PTPRS: variants seen among roughly 807,000 people sequenced by gnomAD.
PTPRS encodes the protein receptor-type tyrosine-protein phosphatase S.
PTPRS carries 63 observed loss-of-function variants against 215.3 expected under a neutral mutation model. That is an observed-to-expected ratio of 0.29 (90% confidence interval 0.24 to 0.36). The LOEUF is 0.36. Among genes scored for constraint, PTPRS ranks in the 10% least tolerant of loss-of-function variants. The pLI is 1.00. For synonymous variants in PTPRS, 1,404 were observed against 1,191.4 expected (o/e 1.18, Z -3.68); for missense variants, 2,258 against 2,825.8 (o/e 0.80, Z 4.56).
At chr19:5,340,153 G>T (rs905632192) in intron 1 of PTPRS, among the ~76,000 whole-genome samples, 9 of 151,396 alleles carry the variant, frequency 5.9e-5, no homozygotes, top group African/African-American at 2.2e-4. Context: ...CACCCGTCCC[G>T]GCTCCTCTCC....
chr19:5,211,626 G>C lies in PTPRS; in HGVS notation c.5198C>G (p.Ser1733Cys), dbSNP rs768527095. The C allele has an allele frequency of 1.2e-6, 2 of 1,613,564 alleles. No homozygotes were observed. Among genetic ancestry groups the C allele is most frequent in the South Asian group, 1.1e-5 (1 of 91,072 alleles). ...CLQPIRGVEG[S>C]DYINASFIDG... ...AATGAAGCTGGCGTTGATGTAGTCAGAGCCCTCCACACCCCGGATGGGTTG... is the reference window on the plus strand; with the variant it reads ...AATGAAGCTGGCGTTGATGTAGTCACAGCCCTCCACACCCCGGATGGGTTG... Residue 1733 changes from serine (S) to cysteine (C), a missense_variant, in exon 33 of 38, where the codon TCT (serine) becomes TGT (cysteine). Coordinates refer to ENST00000262963, the MANE Select transcript of PTPRS (RefSeq NM_002850.4).
intron 19 of PTPRS, among the ~76,000 whole-genome samples, chr19:5,221,517 C>T (rs2041976460): frequency 1.3e-5 from 2 of 152,002 alleles, no homozygotes; most frequent in Admixed American, 1.3e-4. Flanking sequence ...TTGACTGAGC[C>T]CTGATCCCAT....
intron 1 of PTPRS, among the ~76,000 whole-genome samples, chr19:5,315,543 T>G (rs1021338481): frequency 6.6e-6 from 1 of 151,544 alleles, no homozygotes; most frequent in Non-Finnish European, 1.5e-5. Flanking sequence ...TTTAAAATTT[T>G]TTTCAGAGAT....
intron 1 of PTPRS, among the ~76,000 whole-genome samples, chr19:5,333,959 A>C (rs2050409986): frequency 6.9e-6 from 1 of 144,512 alleles, no homozygotes; most frequent in Admixed American, 6.8e-5. Context: ...TAAACCCCCA[A>C]ATCCCCCCCA....
At chr19:5,324,226 CAAAAAA>C (rs55793961) in intron 1 of PTPRS, among the ~76,000 whole-genome samples, 10 of 73,866 alleles carry the variant, frequency 1.4e-4, no homozygotes, top group African/African-American at 3.6e-4. Flanking sequence ...AACCCTGCCT[CAAAAAA>C]AAAAAAAAAA....
At chr19:5,256,767 ACCT>A (rs1295302411) in intron 8 of PTPRS, among the ~76,000 whole-genome samples, 1 of 151,382 alleles carries the variant, frequency 6.6e-6, no homozygotes, top group East Asian at 1.9e-4. Context: ...CCTCCATGCG[ACCT>A]CCTCCTCAGA....
chr19:5,237,451 C>A lies in PTPRS; in HGVS notation c.1849+1468G>T, dbSNP rs532285854. On this transcript the variant is annotated intron_variant, in intron 13 of 37. Transcript: ENST00000262963. This position sits in a 1 kb window ranked among gnomAD's most constrained non-coding sequence, Gnocchi z 4.2. ...GGGCCGAAGCCGCTTTCTAGGTGACCGTGTAGGTCACGTCCTTCACAATCC... is the reference window on the plus strand; with the variant it reads ...GGGCCGAAGCCGCTTTCTAGGTGACAGTGTAGGTCACGTCCTTCACAATCC... 6.6e-6 allele frequency among the ~76,000 whole-genome samples: 1 copy of A among 152,184 alleles called. No individual in the cohort carries two copies. The highest frequency in any genetic ancestry group is 1.5e-5 in the Non-Finnish European group (1 of 68,038).
chr19:5,246,030 G>A lies in PTPRS; in HGVS notation c.734C>T (p.Pro245Leu). Reference protein sequence around the residue: ...RELREVRRVAPRFSILPMSHE... With the variant: ...RELREVRRVALRFSILPMSHE... ...GCTCATGGGCAGGATGGAGAAGCGC[G>A]GGGCCACGCGGCGGACTGGGGAGGG... Residue 245 changes from proline to leucine, a missense_variant, in exon 10 of 38, where the codon CCG becomes CTG. Coordinates refer to ENST00000262963, the MANE Select transcript of PTPRS (RefSeq NM_002850.4). The A allele has an allele frequency of 6.6e-7, 1 of 1,517,954 alleles. No homozygotes were observed. Among genetic ancestry groups the A allele is most frequent in the Non-Finnish European group, 8.9e-7 (1 of 1,127,942 alleles). The allele number at this position is 1,517,954 out of a possible 1,614,324, so 94.0% of individuals were successfully genotyped here.
At chr19:5,212,619 G>C in intron 30 of PTPRS, 128 bp from the exon 31 acceptor site, 1 of 1,108,836 alleles carries the variant, frequency 9.0e-7, no homozygotes, top group Non-Finnish European at 1.3e-6. Flanking sequence ...CGAGGTGGGC[G>C]GATCACCTGA....
intron 1 of PTPRS, among the ~76,000 whole-genome samples, chr19:5,291,902 A>C (rs912575407): frequency 2.7e-5 from 4 of 149,774 alleles, no homozygotes; most frequent in Non-Finnish European, 5.9e-5. Flanking sequence ...TTCCCTTGAC[A>C]CCTTGATCCC....
chr19:5,275,056 G>C (rs945658747), intron 2 of PTPRS, among the ~76,000 whole-genome samples: 1 of 137,764 alleles, frequency 7.3e-6, no homozygotes, highest in African/African-American at 2.8e-5. Context: ...GTGCCATCCT[G>C]ATCGTCATTT....
At chr19:5,300,767 C>CAAAAAAAAAAAAAAAAAAGAAAAA (rs2049278428) in intron 1 of PTPRS, among the ~76,000 whole-genome samples, 1 of 97,770 alleles carries the variant, frequency 1.0e-5, no homozygotes, top group Non-Finnish European at 2.0e-5. Flanking sequence ...GACTCCGTCT[C>CAAAAAAAAAAAAAAAAAAGAAAAA]AAAAAAAAAA....
chr19:5,298,222 T>A (rs10416151), intron 1 of PTPRS, among the ~76,000 whole-genome samples: 31,855 of 152,138 alleles, frequency 0.21, 3,501 homozygotes, highest in Middle Eastern at 0.26. Context: ...TTTATCCCAT[T>A]ATGTCCCTTA....
In PTPRS at chr19:5,231,298, G is replaced by A; in HGVS notation, c.2155+12C>T. ...GCCTGCGGGGGGTCCCGGGCCTGGG[G>A]CAGGTACTTACCATCCTCGTCGGTG... On this transcript the variant is annotated intron_variant, in intron 14 of 37. Coordinates refer to ENST00000262963, the MANE Select transcript of PTPRS (RefSeq NM_002850.4). 6.3e-7 allele frequency: 1 copy of A among 1,595,072 alleles called. No individual in the cohort carries two copies. The highest frequency in any genetic ancestry group is 2.2e-5 in the East Asian group (1 of 44,660).
At chr19:5,216,122 A>ATG (rs1224757735) in intron 26 of PTPRS, among the ~76,000 whole-genome samples, 9 of 152,028 alleles carry the variant, frequency 5.9e-5, no homozygotes, top group African/African-American at 1.7e-4. Flanking sequence ...GGGAAACAGT[A>ATG]TGTGTGTGTG....
chr19:5,303,416 AGAGCTGTCTTGAGTGCTG>A (rs2049365883), intron 1 of PTPRS, among the ~76,000 whole-genome samples: 1 of 152,194 alleles, frequency 6.6e-6, no homozygotes, highest in Non-Finnish European at 1.5e-5. Flanking sequence ...ACTGTGTGCT[AGAGCTGTCTTGAGTGCTG>A]GGGACACAGT....
At chr19:5,252,897 G>C (rs112035343) in intron 9 of PTPRS, among the ~76,000 whole-genome samples, 233 of 120,482 alleles carry the variant, frequency 1.9e-3, no homozygotes, top group African/African-American at 7.1e-3. Context: ...AAAAAAAAAA[G>C]TAAAAGAAAA....
Position 5,211,659 on chromosome 19 carries a change from A to G in PTPRS, c.5165T>C (p.Val1722Ala), listed in dbSNP as rs1415864299. ...VNIMPYESTR[V>A]CLQPIRGVEG... ...CACACCCCGGATGGGTTGCAGACAG[A>G]CCCGTGTGCTCTCATAGGGCATGAT... Residue 1722 changes from valine (V) to alanine (A), a missense_variant, in exon 33 of 38, where the codon GTC (valine) becomes GCC (alanine). Coordinates refer to ENST00000262963, the MANE Select transcript of PTPRS (RefSeq NM_002850.4). The G allele has an allele frequency of 6.2e-7, 1 of 1,613,954 alleles. No individual in the cohort carries two copies. The highest frequency in any genetic ancestry group is 1.7e-5 in the Admixed American group (1 of 59,984).
intron 11 of PTPRS, among the ~76,000 whole-genome samples, chr19:5,243,531 GTGCAGTGGCA>G (rs2044224694): frequency 6.6e-6 from 1 of 151,526 alleles, no homozygotes; most frequent in Admixed American, 6.6e-5. Flanking sequence ...CCAGGCTGGA[GTGCAGTGGCA>G]TGATCTCAGC....
Sources: allele counts gnomAD v4.1 joint callset (sites outside exome capture counted in the v4.1 genomes callset), GRCh38; gene constraint gnomAD v4.1.1; non-coding constraint Gnocchi (gnomAD v3.1); transcripts MANE v1.5; gene names NCBI Gene and HGNC (gene_info 2026-07-23, HGNC 2026-07-21).